Variants in ALMS1 observed in about 807,000 individuals in gnomAD.
The protein encoded by ALMS1 is ALMS1 centrosome and basal body associated protein.
ALMS1 carries 271 observed loss-of-function variants against 352.2 expected under a neutral mutation model. The ratio of observed to expected loss-of-function variants is 0.77; its 90% confidence interval spans 0.70 to 0.85. The LOEUF is 0.85. ALMS1 is among the 40% of genes least tolerant of loss of function. The pLI, the probability that ALMS1 is intolerant of heterozygous loss-of-function variation, is 0.00. For missense variants in ALMS1, 5,445 were observed against 4,870.7 expected (o/e 1.12, Z -3.51); for synonymous variants, 1,865 against 1,761.2 (o/e 1.06, Z -1.48).
At chr2:73,427,969 G>C (rs536749976) in intron 6 of ALMS1, among the ~76,000 whole-genome samples, 5 of 151,998 alleles carry the variant, frequency 3.3e-5, no homozygotes, top group Non-Finnish European at 7.4e-5. Flanking sequence ...TAGACCTTTA[G>C]GTTCAGATTG....
At chr2:73,466,589 T>G (rs1202247916) in intron 9 of ALMS1, among the ~76,000 whole-genome samples, 2 of 151,932 alleles carry the variant, frequency 1.3e-5, no homozygotes, top group Non-Finnish European at 2.9e-5. Flanking sequence ...CTTGTATACA[T>G]ATGTAACAAA....
chr2:73,451,182 C>T lies in ALMS1; in HGVS notation c.4655C>T (p.Ser1552Phe). The change falls in exon 8 of 23, where the codon TCT (serine) becomes TTT (phenylalanine). Residue 1552 changes from serine (S) to phenylalanine (F), a missense_variant. By Grantham distance (155) the Ser-to-Phe change is radical. Transcript: ENST00000613296. ...CCTGAAGAGGCTCTCAGAGTTTCTT[C>T]TGCTCCTGGACCAGCTGACCAGACA... ...QIPEEALRVS[S>F]APGPADQTTG... 6.2e-7 allele frequency: 1 copy of T among 1,612,986 alleles called. No individual in the cohort carries two copies. The highest frequency in any genetic ancestry group is 8.5e-7 in the Non-Finnish European group (1 of 1,179,738).
intron 3 of ALMS1, among the ~76,000 whole-genome samples, chr2:73,421,114 T>C (rs1252326380): frequency 6.6e-6 from 1 of 152,186 alleles, no homozygotes; most frequent in African/African-American, 2.4e-5. Flanking sequence ...TGCCTATTTA[T>C]GTGATTTAAC....
Position 73,534,599 on chromosome 2 carries a change from A to T in ALMS1, c.9782-225A>T, listed in dbSNP as rs114681153. ...ATTTTCCCTGTATCACTTATAATGT[A>T]TTAAAATGCTAGATAATTTACTCAT... On this transcript the variant is annotated intron_variant, in intron 11 of 22. Transcript: ENST00000613296. Among the ~76,000 whole-genome samples, 571 of 152,298 alleles carry T rather than the reference A, an allele frequency of 3.7e-3. 2 individuals are homozygous for T. The highest frequency in any genetic ancestry group is 0.012 in the African/African-American group (493 of 41,568).
rs373998843 is a variant in ALMS1 at position 73,520,004 on chromosome 2, C to G, written c.9769C>G (p.Arg3257Gly). ...TTCAGTCCAACAGGTTACTTTTTCT[C>G]GCGGCACAGATGGTAAGAGAATGTG... The part of the protein sequence containing the change: ...SSSVQQVTFS[R>G]GTDGQPLLLP... Residue 3257 changes from arginine (R) to glycine (G), a missense_variant, in exon 11 of 23, where the codon CGC becomes GGC. Arg to Gly is a moderately radical substitution (Grantham distance 125). Coordinates refer to ENST00000613296, the MANE Select transcript of ALMS1 (RefSeq NM_001378454.1). The G allele has an allele frequency of 3.1e-6, 5 of 1,614,042 alleles. No homozygotes were observed. In the South Asian group the frequency reaches 5.5e-5, roughly 18 times the overall value.
rs1223628304 is a variant in ALMS1, at chr2:73,448,891, G to T, written c.2364G>T (p.Leu788=). 1.9e-6 allele frequency: 3 copies of T among 1,613,938 alleles called. No individual in the cohort carries two copies. In the African/African-American group the frequency reaches 4.0e-5, roughly 22 times the overall value. ...ACAGTCATCTACCTGAAGAGGGTCT[G>T]AAAGTTTCAGCTGTTGCTGGACCAG... ...LADSHLPEEG[L]KVSAVAGPAD... is the part of the protein sequence containing the mutation. Residue 788 remains leucine, a synonymous_variant, in exon 8 of 23, where the codon CTG becomes CTT. Transcript: ENST00000613296.
chr2:73,483,807 G>C (rs1298137722), intron 9 of ALMS1, among the ~76,000 whole-genome samples: 1 of 146,912 alleles, frequency 6.8e-6, no homozygotes, highest in Non-Finnish European at 1.5e-5. Flanking sequence ...TTGTTGAATT[G>C]ATCCCTTTAC....
chr2:73,437,598 T>G (rs182744863), intron 7 of ALMS1, among the ~76,000 whole-genome samples: 1 of 152,228 alleles, frequency 6.6e-6, no homozygotes, highest in African/African-American at 2.4e-5. Flanking sequence ...TATCTACTGA[T>G]GTACCCAGTT....
At chr2:73,531,504 CAGTA>C (rs1158250061) in intron 11 of ALMS1, among the ~76,000 whole-genome samples, 1 of 152,220 alleles carries the variant, frequency 6.6e-6, no homozygotes, top group African/African-American at 2.4e-5. Context: ...CAAAACCTTT[CAGTA>C]AGCCTCTAGA....
intron 16 of ALMS1, among the ~76,000 whole-genome samples, chr2:73,576,443 G>A (rs1392071885): frequency 6.6e-6 from 1 of 151,860 alleles, no homozygotes; most frequent in Non-Finnish European, 1.5e-5. Context: ...CTTGTATCTT[G>A]CAGCTTTGCT....
chr2:73,540,870 A>G (rs925563021), intron 12 of ALMS1, among the ~76,000 whole-genome samples: 1 of 152,252 alleles, frequency 6.6e-6, no homozygotes, highest in African/African-American at 2.4e-5. Context: ...CCAGATTGAT[A>G]AAGCAAGTCC....
chr2:73,516,436 A>G (rs1291174237), intron 10 of ALMS1, among the ~76,000 whole-genome samples: 5 of 152,260 alleles, frequency 3.3e-5, no homozygotes. Context: ...CAGCAGTCCC[A>G]TTACTGGGTA....
At chr2:73,541,880 C>T (rs1674191082) in intron 12 of ALMS1, among the ~76,000 whole-genome samples, 1 of 152,180 alleles carries the variant, frequency 6.6e-6, no homozygotes, top group South Asian at 2.1e-4. Context: ...TAATCGATAG[C>T]TTACCAACCA....
In ALMS1 at chr2:73,603,524, C is replaced by T. The variant is rs1018811672; in HGVS notation, c.12362+220C>T. On this transcript the variant is annotated intron_variant, in intron 21 of 22. Transcript: ENST00000613296. ...AGATGAAAAACTTCTCACTAATTTG[C>T]ATGTCTTAGGCTCCTCTTTATTAGA... The T allele has an allele frequency of 2.2e-5, 12 of 538,824 alleles. No homozygotes were observed. The African/African-American group carries it at 2.3e-4, about 10-fold the overall frequency. 33.4% of individuals were successfully genotyped at this position (538,824 alleles called of 1,614,324 possible).
intron 16 of ALMS1, among the ~76,000 whole-genome samples, chr2:73,589,175 GT>G (rs1267697966): frequency 4.0e-5 from 6 of 151,786 alleles, no homozygotes; most frequent in Admixed American, 2.0e-4. Context: ...CATAAAAGTT[GT>G]TTTTGTTTAA....
chr2:73,474,298 G>A (rs1672534433), intron 9 of ALMS1, among the ~76,000 whole-genome samples: 1 of 151,200 alleles, frequency 6.6e-6, no homozygotes, highest in Non-Finnish European at 1.5e-5. Context: ...TTTTAAGTAA[G>A]TTTTGTATCA....
chr2:73,572,891 A>T lies in ALMS1; in HGVS notation c.11014A>T (p.Lys3672Ter). The change falls in exon 16 of 23, where the codon AAG becomes TAG. Residue 3672 changes from lysine to a stop codon, truncating the protein, a stop_gained. Coordinates refer to ENST00000613296, the MANE Select transcript of ALMS1 (RefSeq NM_001378454.1). LOFTEE classifies it high-confidence loss of function. The part of the protein sequence containing the change: ...EWSGRQQQRN[K>*]LQKKKRFKSL... ...GAGTGGTAGACAACAGCAGAGAAAT[A>T]AGCTTCAGAAAAAGAAGCGGTTTAA... 1 of 1,614,130 alleles carries T rather than the reference A, an allele frequency of 6.2e-7. No individual in the cohort carries two copies. Among genetic ancestry groups the T allele is most frequent in the Non-Finnish European group, 8.5e-7 (1 of 1,180,004 alleles).
intron 13 of ALMS1, among the ~76,000 whole-genome samples, chr2:73,552,999 A>G (rs981422085): frequency 3.3e-5 from 5 of 152,216 alleles, no homozygotes; most frequent in Non-Finnish European, 7.3e-5. Flanking sequence ...AGAAAGAACC[A>G]AAGGACTAGT....
At chr2:73,549,916 G>T (rs1674394070) in intron 12 of ALMS1, among the ~76,000 whole-genome samples, 1 of 152,136 alleles carries the variant, frequency 6.6e-6, no homozygotes, top group African/African-American at 2.4e-5. Flanking sequence ...CTGCAGTGCG[G>T]TGGCAACATC....
Sources: allele counts gnomAD v4.1 joint callset (sites outside exome capture counted in the v4.1 genomes callset), GRCh38; gene constraint gnomAD v4.1.1; transcripts MANE v1.5; gene names NCBI Gene and HGNC (gene_info 2026-07-23, HGNC 2026-07-21).